SLC24A3: variants seen among roughly 807,000 people sequenced by gnomAD.
The protein encoded by SLC24A3 is solute carrier family 24 member 3.
In SLC24A3, 28 loss-of-function variants were observed where a neutral mutation model predicts 75.8. The observed-to-expected ratio is 0.37, with a 90% CI of 0.27 to 0.51. The LOEUF is 0.51. SLC24A3 is among the 20% of genes least tolerant of loss of function. The pLI is 0.94. For synonymous variants in SLC24A3, 372 were observed against 334.1 expected (o/e 1.11, Z -1.24); for missense variants, 663 against 847.8 (o/e 0.78, Z 2.71).
chr20:19,412,299 A>T lies in SLC24A3; in HGVS notation c.272-103189A>T, dbSNP rs902192371. Among the ~76,000 whole-genome samples the T allele has an allele frequency of 3.9e-5, 6 of 152,314 alleles. No homozygotes were observed. The South Asian group carries it at 6.2e-4, about 16-fold the overall frequency. ...GTTGGGGTGGCAAGACAGAACTGTAAATTCATGGAAAAAACCTTTTGATAG... is the reference window on the plus strand; with the variant it reads ...GTTGGGGTGGCAAGACAGAACTGTATATTCATGGAAAAAACCTTTTGATAG... On this transcript the variant is annotated intron_variant, in intron 2 of 16. Coordinates refer to ENST00000328041, the MANE Select transcript of SLC24A3 (RefSeq NM_020689.4).
intron 2 of SLC24A3, among the ~76,000 whole-genome samples, chr20:19,512,519 T>C (rs1210717029): frequency 1.3e-5 from 2 of 152,230 alleles, no homozygotes; most frequent in Non-Finnish European, 2.9e-5. Context: ...CCCAGTGGGA[T>C]ACACATATCT....
At chr20:19,565,908 A>G (rs1489097089) in intron 3 of SLC24A3, among the ~76,000 whole-genome samples, 2 of 152,128 alleles carry the variant, frequency 1.3e-5, no homozygotes, top group Non-Finnish European at 2.9e-5. Context: ...CTCCAAACAT[A>G]AGTTTACTCA....
chr20:19,580,943 G>C (rs1434294800), intron 4 of SLC24A3, among the ~76,000 whole-genome samples: 1 of 152,110 alleles, frequency 6.6e-6, no homozygotes, highest in Non-Finnish European at 1.5e-5. Context: ...GAGTGGGAGG[G>C]GGTAGAATTT....
intron 6 of SLC24A3, among the ~76,000 whole-genome samples, chr20:19,635,052 G>A (rs1035019356): frequency 8.5e-5 from 13 of 152,310 alleles, no homozygotes; most frequent in African/African-American, 3.1e-4. Flanking sequence ...ACTGATGGCT[G>A]TAAAATGTAC....
chr20:19,687,661 C>A (rs2032693722), intron 12 of SLC24A3, among the ~76,000 whole-genome samples: 1 of 152,176 alleles, frequency 6.6e-6, no homozygotes, highest in Non-Finnish European at 1.5e-5. Context: ...CCAAGTGCAC[C>A]CCTCCAGGGG....
chr20:19,380,433 C>A (rs956941520), intron 2 of SLC24A3, among the ~76,000 whole-genome samples: 1 of 152,080 alleles, frequency 6.6e-6, no homozygotes, highest in African/African-American at 2.4e-5. Context: ...TGCTGCAGTG[C>A]TTTAATAAGG....
At position 19,665,877 on chromosome 20, in the gene SLC24A3, A is replaced by G; in HGVS notation, c.701A>G (p.Glu234Gly). The G allele has an allele frequency of 6.2e-7, 1 of 1,610,318 alleles. No homozygotes were observed. The highest frequency in any genetic ancestry group is 8.5e-7 in the Non-Finnish European group (1 of 1,178,460). The change falls in exon 8 of 17, where the codon GAA (glutamate) becomes GGA (glycine). Residue 234 changes from glutamate to glycine, a missense_variant. By Grantham distance (98) the Glu-to-Gly change is moderately conservative (BLOSUM62 -2). Coordinates refer to ENST00000328041, the MANE Select transcript of SLC24A3 (RefSeq NM_020689.4). ...ATTTTTTCACAGTTTATTTATGATG[A>G]AAAAGTTTCCTGGTAAGTACCTCTC... ...VIALIVFIYD[E>G]KVSWWESLVL... is the part of the protein sequence containing the mutation.
At chr20:19,502,795 C>T (rs1279542810) in intron 2 of SLC24A3, among the ~76,000 whole-genome samples, 4 of 147,094 alleles carry the variant, frequency 2.7e-5, no homozygotes, top group Non-Finnish European at 5.9e-5. Flanking sequence ...CTTTGGGAGG[C>T]CAAGGTGGGA....
In SLC24A3 at chr20:19,635,968, G is replaced by A. The variant is rs575765233; in HGVS notation, c.613-18094G>A. 2.4e-4 allele frequency among the ~76,000 whole-genome samples: 37 copies of A among 152,138 alleles called. No homozygotes were observed. The South Asian group carries it at 3.7e-3, about 15-fold the overall frequency. On this transcript the variant is annotated intron_variant, in intron 6 of 16. Transcript: ENST00000328041. The stretch of plus-strand genomic sequence containing the variant: ...ATCCTGGCTAACACGGTGAAACCCC[G>A]TCTCTGCTAAAAATACAAAAAATTA...
intron 6 of SLC24A3, among the ~76,000 whole-genome samples, chr20:19,601,592 G>A (rs151163060): frequency 6.6e-6 from 1 of 152,298 alleles, no homozygotes; most frequent in East Asian, 1.9e-4. Context: ...TTGTTCCACA[G>A]AGAGCTGAGG....
At chr20:19,452,376 A>ATGTG (rs34840970) in intron 2 of SLC24A3, among the ~76,000 whole-genome samples, 5,720 of 112,868 alleles carry the variant, frequency 0.051, 202 homozygotes, top group East Asian at 0.08. Flanking sequence ...CCTGTGGGGG[A>ATGTG]TGTGTGTGTG....
chr20:19,371,327 G>C (rs894977769), intron 2 of SLC24A3, among the ~76,000 whole-genome samples: 1 of 151,754 alleles, frequency 6.6e-6, no homozygotes, highest in Non-Finnish European at 1.5e-5. Flanking sequence ...GGAGAGGGCA[G>C]GCCCTGGGAG....
chr20:19,214,439 T>G (rs1019091546), intron 1 of SLC24A3, among the ~76,000 whole-genome samples: 2 of 152,218 alleles, frequency 1.3e-5, no homozygotes, highest in African/African-American at 2.4e-5. Context: ...TTTCCTTTTT[T>G]ATTTTTCTCC....
At chr20:19,476,420 T>G (rs1433652014) in intron 2 of SLC24A3, among the ~76,000 whole-genome samples, 1 of 152,116 alleles carries the variant, frequency 6.6e-6, no homozygotes, top group Non-Finnish European at 1.5e-5. Context: ...GAAGGTAACA[T>G]AGGAGAAAAT....
chr20:19,486,936 C>T (rs1377576702), intron 2 of SLC24A3, among the ~76,000 whole-genome samples: 1 of 152,166 alleles, frequency 6.6e-6, no homozygotes, highest in Non-Finnish European at 1.5e-5. Context: ...TCTGTCTTTG[C>T]CATGGAGCCC....
At chr20:19,538,493 G>A (rs2030439341) in intron 3 of SLC24A3, among the ~76,000 whole-genome samples, 1 of 152,140 alleles carries the variant, frequency 6.6e-6, no homozygotes, top group South Asian at 2.1e-4. Flanking sequence ...AGATGAGAAT[G>A]TTCAAATGGC....
At chr20:19,333,440 A>T (rs770792182) in intron 2 of SLC24A3, among the ~76,000 whole-genome samples, 8 of 152,174 alleles carry the variant, frequency 5.3e-5, no homozygotes, top group Non-Finnish European at 1.2e-4. Context: ...GAAGTGACAG[A>T]TTTGGCCTGT....
intron 9 of SLC24A3, among the ~76,000 whole-genome samples, chr20:19,680,152 CTGTGTGTG>C: frequency 7.0e-6 from 1 of 142,160 alleles, no homozygotes; most frequent in Non-Finnish European, 1.5e-5. Flanking sequence ...CTGTGTGTGT[CTGTGTGTG>C]TCTGTGTGTC....
At chr20:19,331,418 A>T (rs906319518) in intron 2 of SLC24A3, among the ~76,000 whole-genome samples, 1 of 151,236 alleles carries the variant, frequency 6.6e-6, no homozygotes, top group Non-Finnish European at 1.5e-5. Flanking sequence ...TGATAGATGG[A>T]TAGATAGGAT....
Sources: allele counts gnomAD v4.1 joint callset (sites outside exome capture counted in the v4.1 genomes callset), GRCh38; gene constraint gnomAD v4.1.1; transcripts MANE v1.5; gene names NCBI Gene and HGNC (gene_info 2026-07-23, HGNC 2026-07-21).